TIMD4: variants seen among roughly 807,000 people sequenced by gnomAD.
TIMD4 encodes T-cell immunoglobulin and mucin domain-containing protein 4.
Under a neutral mutation model 41.2 loss-of-function variants are expected in TIMD4, and 31 were observed. The ratio of observed to expected loss-of-function variants is 0.75; its 90% CI spans 0.57 to 1.01. The LOEUF (loss-of-function observed/expected upper bound fraction) is 1.01, where lower values mean the gene tolerates loss of function less well. Among genes scored for constraint, TIMD4 ranks in the 50% least tolerant of loss-of-function variants. The pLI is 0.00. For missense variants in TIMD4, 479 were observed against 472.5 expected (o/e 1.01, Z -0.13); for synonymous variants, 204 against 177.1 (o/e 1.15, Z -1.21).
In TIMD4 at chr5:156,920,474, T is replaced by C; in HGVS notation, c.1042A>G (p.Lys348Glu). The change falls in exon 8 of 9, where the codon AAA (lysine) becomes GAA (glutamate). Residue 348 changes from lysine to glutamate, a missense_variant. By Grantham distance (56) the Lys-to-Glu change is moderately conservative. Transcript: ENST00000274532. Reference sequence around the variant, plus strand: ...TGCAAGATAGATTACCTTGTGTGTTTCTGCGAACAATAGGTTTCCATGAGT... The same window carrying C: ...TGCAAGATAGATTACCTTGTGTGTTCCTGCGAACAATAGGTTTCCATGAGT... ...GKLMETYCSQ[K>E]HTRLDYIGDS... The C allele has an allele frequency of 6.2e-7, 1 of 1,614,106 alleles. No individual in the cohort carries two copies. The highest frequency in any genetic ancestry group is 1.1e-5 in the South Asian group (1 of 91,086).
Position 156,945,539 on chromosome 5 carries a change from G to A in TIMD4, c.844+2877C>T, listed in dbSNP as rs769746751. On this transcript the variant is annotated intron_variant, in intron 5 of 8. Coordinates refer to ENST00000274532, the MANE Select transcript of TIMD4 (RefSeq NM_138379.3). Reference sequence around the variant, plus strand: ...CGCTGAGCACAGTACCTAATGCATAGGTAAATCCTCGGTGGATGTTAACCA... The same window carrying A: ...CGCTGAGCACAGTACCTAATGCATAAGTAAATCCTCGGTGGATGTTAACCA... Among the ~76,000 whole-genome samples the A allele has an allele frequency of 2.0e-5, 3 of 152,082 alleles. 1 individual carries two copies. Among genetic ancestry groups the A allele is most frequent in the Admixed American group, 6.5e-5 (1 of 15,268 alleles).
At chr5:156,953,913 A>G (rs1561554130) in intron 2 of TIMD4, among the ~76,000 whole-genome samples, 1 of 152,216 alleles carries the variant, frequency 6.6e-6, no homozygotes, top group Non-Finnish European at 1.5e-5. Flanking sequence ...ATCAAAAGCA[A>G]CTGATAGTAA....
At chr5:156,961,543 C>T (rs1273801588) in intron 1 of TIMD4, among the ~76,000 whole-genome samples, 1 of 151,708 alleles carries the variant, frequency 6.6e-6, no homozygotes, top group African/African-American at 2.4e-5. Flanking sequence ...TGACTCACGC[C>T]TATAAGCCCA....
chr5:156,930,081 A>G (rs1480006682), intron 5 of TIMD4, among the ~76,000 whole-genome samples: 2 of 152,086 alleles, frequency 1.3e-5, no homozygotes, highest in Non-Finnish European at 2.9e-5. Context: ...AGCGATTCTC[A>G]TGCCTCAGCC....
At chr5:156,925,398 C>T (rs1319636755) in intron 6 of TIMD4, among the ~76,000 whole-genome samples, 1 of 152,204 alleles carries the variant, frequency 6.6e-6, no homozygotes, top group East Asian at 1.9e-4. Flanking sequence ...ATGCTCTCTC[C>T]CTCTCTTCCT....
rs763265419 is a variant in TIMD4 at position 156,948,406 on chromosome 5, GC to G, written c.844+9del. ...GTAAAATAAAATAAAAAAAATCACA[GC>G]CCCCCTACCTCCAGGCTGAGGAGAA... is the stretch of plus-strand genomic sequence containing the variant. On this transcript the variant is annotated intron_variant, in intron 5 of 8. Transcript: ENST00000274532. 1 of 1,378,004 alleles carries G rather than the reference GC, an allele frequency of 7.3e-7. No homozygotes were observed. The highest frequency in any genetic ancestry group is 9.4e-7 in the Non-Finnish European group (1 of 1,062,816). The allele number at this position is 1,378,004 out of a possible 1,614,324, so 85.4% of individuals were successfully genotyped here.
intron 1 of TIMD4, among the ~76,000 whole-genome samples, chr5:156,959,206 G>A (rs1057052031): frequency 6.6e-6 from 1 of 152,116 alleles, no homozygotes; most frequent in Non-Finnish European, 1.5e-5. Context: ...AGAAAAGGAA[G>A]CAGGTGCTGA....
At chr5:156,958,313 GGAAAGGAAAGGAAAGGA>G (rs1760016503) in intron 1 of TIMD4, among the ~76,000 whole-genome samples, 2 of 8,386 alleles carry the variant, frequency 2.4e-4, no homozygotes, top group Admixed American at 4.0e-3. Flanking sequence ...AAGAAGGAAA[GGAAAGGAAAGGAAAGGA>G]AAGGAAAGGA....
intron 5 of TIMD4, among the ~76,000 whole-genome samples, chr5:156,946,610 A>G (rs1408566011): frequency 2.0e-5 from 3 of 151,178 alleles, no homozygotes; most frequent in Non-Finnish European, 4.4e-5. Flanking sequence ...TCGAGTAGCT[A>G]GGACTACGGG....
rs760924301 is a variant in TIMD4, at chr5:156,963,180, T to C, written c.19A>G (p.Ile7Val). The change falls in exon 1 of 9, where the codon ATT becomes GTT. Residue 7 changes from isoleucine (I) to valine (V), a missense_variant. By Grantham distance (29) the Ile-to-Val change is conservative. Transcript: ENST00000274532. MSKEPL[I>V]LWLMIEFWWL... ...CAAAACTCAATCATCAGCCAGAGAA[T>C]GAGAGGTTCTTTGGACATTTTGACG... 6.2e-7 allele frequency: 1 copy of C among 1,614,194 alleles called. No individual in the cohort carries two copies. The highest frequency in any genetic ancestry group is 1.1e-5 in the South Asian group (1 of 91,090).
At chr5:156,951,830 T>C (rs1404755601) in intron 2 of TIMD4, 40 bp from the exon 3 acceptor site, 3 of 1,609,648 alleles carry the variant, frequency 1.9e-6, no homozygotes, top group Non-Finnish European at 2.5e-6. Flanking sequence ...CAAGCGGAGA[T>C]GGAGGAAAAA....
chr5:156,923,866 C>A (rs569777953), intron 6 of TIMD4, among the ~76,000 whole-genome samples: 1 of 151,926 alleles, frequency 6.6e-6, no homozygotes, highest in East Asian at 1.9e-4. Flanking sequence ...GAGACAGGGT[C>A]TCTCTCTGTT....
At chr5:156,961,337 C>G (rs991912894) in intron 1 of TIMD4, among the ~76,000 whole-genome samples, 18 of 152,164 alleles carry the variant, frequency 1.2e-4, no homozygotes, top group African/African-American at 4.3e-4. Flanking sequence ...CCTTAAAAAA[C>G]TAAAAATAGA....
chr5:156,928,728 T>C (rs1003481580), intron 5 of TIMD4, among the ~76,000 whole-genome samples: 3 of 152,186 alleles, frequency 2.0e-5, no homozygotes, highest in Admixed American at 2.0e-4. Context: ...TAAATGTCAC[T>C]AGGAACAAAG....
intron 1 of TIMD4, among the ~76,000 whole-genome samples, chr5:156,955,500 C>A (rs1759955270): frequency 6.6e-6 from 1 of 152,050 alleles, no homozygotes; most frequent in African/African-American, 2.4e-5. Flanking sequence ...ACTAAAAATA[C>A]AAAAAATTAG....
chr5:156,955,513 G>A (rs897074254), intron 1 of TIMD4, among the ~76,000 whole-genome samples: 12 of 152,076 alleles, frequency 7.9e-5, no homozygotes, highest in Non-Finnish European at 1.0e-4. Flanking sequence ...AAAATTAGCC[G>A]GGCGTGGTGG....
chr5:156,951,369 T>G, intron 3 of TIMD4, 143 bp downstream of exon 3: 1 of 1,010,244 alleles, frequency 9.9e-7, no homozygotes, highest in Non-Finnish European at 1.4e-6. Flanking sequence ...CAGTCTGCGG[T>G]GTTTGTTTGA....
In TIMD4 at chr5:156,949,658, T is replaced by C; in HGVS notation, c.753A>G (p.Thr251=). The C allele has an allele frequency of 6.2e-7, 1 of 1,611,696 alleles. No individual in the cohort carries two copies. The highest frequency in any genetic ancestry group is 1.1e-5 in the South Asian group (1 of 91,022). ...ESTSADTVLL[T]SKESKVWDLP... is the part of the protein sequence containing the mutation. Reference sequence around the variant, plus strand: ...GAGTGAGTGTCTGCACACCTTTGGATGTCAGCAGGACAGTGTCAGCAGAAG... The same window carrying C: ...GAGTGAGTGTCTGCACACCTTTGGACGTCAGCAGGACAGTGTCAGCAGAAG... Residue 251 remains threonine (T), a synonymous_variant, in exon 4 of 9, where the codon ACA becomes ACG. Coordinates refer to ENST00000274532, the MANE Select transcript of TIMD4 (RefSeq NM_138379.3).
intron 2 of TIMD4, among the ~76,000 whole-genome samples, chr5:156,953,985 T>G (rs1276406150): frequency 1.3e-5 from 2 of 152,214 alleles, no homozygotes; most frequent in African/African-American, 4.8e-5. Context: ...CTTTCTCCCC[T>G]GCCAGAAGTG....
Sources: allele counts gnomAD v4.1 joint callset (sites outside exome capture counted in the v4.1 genomes callset), GRCh38; gene constraint gnomAD v4.1.1; transcripts MANE v1.5; gene names NCBI Gene and HGNC (gene_info 2026-07-23, HGNC 2026-07-21).